The following NALF1 variants were observed in gnomAD, a reference collection of about 807,000 sequenced individuals.
NALF1 encodes NALCN channel auxiliary factor 1, also known as family with sequence similarity 155 member A.
NALF1 carries 3 observed loss-of-function variants against 48.4 expected under a neutral mutation model. The observed-to-expected ratio is 0.06, with a 90% confidence interval of 0.03 to 0.16. The LOEUF (loss-of-function observed/expected upper bound fraction) is 0.16, where lower values mean the gene tolerates loss of function less well. NALF1 is among the 10% of genes least tolerant of loss of function. NALF1 has a pLI of 1.00. For missense variants in NALF1, 526 were observed against 571.5 expected (o/e 0.92, Z 0.81); for synonymous variants, 262 against 245.7 (o/e 1.07, Z -0.62).
intron 1 of NALF1, among the ~76,000 whole-genome samples, chr13:107,706,840 T>G (rs888869077): frequency 6.6e-6 from 1 of 152,070 alleles, no homozygotes; most frequent in African/African-American, 2.4e-5. Context: ...ACTTCATTCA[T>G]AGTTGAATAC....
At chr13:107,631,328 G>A (rs1879828780) in intron 1 of NALF1, among the ~76,000 whole-genome samples, 1 of 152,106 alleles carries the variant, frequency 6.6e-6, no homozygotes, top group South Asian at 2.1e-4. Flanking sequence ...CATGCCTTCC[G>A]ACTGTGTAGG....
intron 1 of NALF1, among the ~76,000 whole-genome samples, chr13:107,376,452 C>G (rs1463250057): frequency 6.6e-6 from 1 of 152,172 alleles, no homozygotes; most frequent in African/African-American, 2.4e-5. Context: ...GACTCCCACC[C>G]TTGGAGCAAG....
At chr13:107,582,853 CCTAAAATGAGT>C (rs1201228362) in intron 1 of NALF1, among the ~76,000 whole-genome samples, 1 of 152,094 alleles carries the variant, frequency 6.6e-6, no homozygotes, top group Non-Finnish European at 1.5e-5. Flanking sequence ...CAATGTGTAG[CCTAAAATGAGT>C]CTACGCGTGC....
chr13:107,646,797 G>C (rs1318050300), intron 1 of NALF1, among the ~76,000 whole-genome samples: 1 of 151,920 alleles, frequency 6.6e-6, no homozygotes, highest in African/African-American at 2.4e-5. Flanking sequence ...AAATTTATGA[G>C]GTTAATTTAT....
At chr13:107,783,511 T>C (rs1202039403) in intron 1 of NALF1, among the ~76,000 whole-genome samples, 2 of 152,212 alleles carry the variant, frequency 1.3e-5, no homozygotes, top group Non-Finnish European at 2.9e-5. Flanking sequence ...CATTTTGTTC[T>C]GTACTAAGAA....
At position 107,164,383 on chromosome 13, in the gene NALF1, AAT is replaced by A. The variant is rs1455945058; in HGVS notation, c.*6112_*6113del. 1 of 152,078 alleles carries A rather than the reference AAT, an allele frequency of 6.6e-6. No individual in the cohort carries two copies. Among genetic ancestry groups the A allele is most frequent in the Admixed American group, 6.6e-5 (1 of 15,266 alleles). 9.4% of individuals were successfully genotyped at this position (152,078 alleles called of 1,614,324 possible). A position where few individuals can be genotyped will look rare whatever the true frequency, so the allele number is the denominator to read the frequency against. The stretch of plus-strand genomic sequence containing the variant: ...CTATAATAATTATAGTGTTAATTAA[AAT>A]ATATATTAATTCAGTTTAATTAATT... On this transcript the variant is annotated 3_prime_UTR_variant, in exon 3 of 3. Coordinates refer to ENST00000375915, the MANE Select transcript of NALF1 (RefSeq NM_001080396.3).
At chr13:107,287,909 C>T (rs1393381818) in intron 1 of NALF1, among the ~76,000 whole-genome samples, 2 of 151,482 alleles carry the variant, frequency 1.3e-5, no homozygotes, top group Non-Finnish European at 2.9e-5. Flanking sequence ...GTTTCATCAT[C>T]TTGGCCAGTC....
intron 1 of NALF1, among the ~76,000 whole-genome samples, chr13:107,734,296 G>A (rs7319801): frequency 0.75 from 114,319 of 151,856 alleles, 44,093 homozygotes; most frequent in Non-Finnish European, 0.85. Context: ...GTATCAGCCG[G>A]TATTAGCCAA....
intron 1 of NALF1, among the ~76,000 whole-genome samples, chr13:107,390,362 A>G (rs749008726): frequency 6.6e-6 from 1 of 152,030 alleles, no homozygotes; most frequent in Admixed American, 6.6e-5. Context: ...AAAAAAAAAA[A>G]GGAAAGATTA....
chr13:107,458,543 G>A (rs781149341), intron 1 of NALF1, among the ~76,000 whole-genome samples: 4 of 152,188 alleles, frequency 2.6e-5, no homozygotes, highest in Non-Finnish European at 5.9e-5. Context: ...GCCAAGGGCA[G>A]CAGGTCCTCA....
rs201973204 is a variant in NALF1, at chr13:107,633,880, G to GTATA, written c.915+231798_915+231801dup. On this transcript the variant is annotated intron_variant, in intron 1 of 2. Coordinates refer to ENST00000375915, the MANE Select transcript of NALF1 (RefSeq NM_001080396.3). ...CATATATGTGTGTGTATGTGTGTGTGTATATATATATATGAAACACATATA... is the reference window on the plus strand; with the variant it reads ...CATATATGTGTGTGTATGTGTGTGTGTATATATATATATATATGAAACACATATA... Among the ~76,000 whole-genome samples, 14 of 142,392 alleles carry GTATA rather than the reference G, an allele frequency of 9.8e-5. No homozygotes were observed. The South Asian group carries it at 1.1e-3, about 11-fold the overall frequency. The allele number at this position is 142,392 out of a possible 152,430, so 93.4% of individuals were successfully genotyped here.
chr13:107,215,095 G>A (rs771733233), intron 1 of NALF1, among the ~76,000 whole-genome samples: 3 of 152,150 alleles, frequency 2.0e-5, no homozygotes, highest in African/African-American at 7.2e-5. Context: ...GAAAGCCTTA[G>A]AGACCACCTA....
At chr13:107,757,754 T>G (rs1436355637) in intron 1 of NALF1, among the ~76,000 whole-genome samples, 6 of 152,176 alleles carry the variant, frequency 3.9e-5, no homozygotes. Flanking sequence ...AGAGTTTTAT[T>G]GGCTAATGAG....
At chr13:107,226,263 G>A (rs1010288459) in intron 1 of NALF1, among the ~76,000 whole-genome samples, 22 of 151,942 alleles carry the variant, frequency 1.4e-4, no homozygotes, top group East Asian at 1.9e-4. Flanking sequence ...AGAAAACCCC[G>A]GCAAAAATAC....
intron 1 of NALF1, among the ~76,000 whole-genome samples, chr13:107,837,824 C>T (rs1879941174): frequency 6.6e-6 from 1 of 151,936 alleles, no homozygotes; most frequent in Non-Finnish European, 1.5e-5. Context: ...TGCAAAAAAG[C>T]CTGAAATACT....
intron 1 of NALF1, among the ~76,000 whole-genome samples, chr13:107,433,677 A>C (rs1884419470): frequency 6.9e-6 from 1 of 145,550 alleles, no homozygotes; most frequent in Admixed American, 6.8e-5. Context: ...GCACAAATTC[A>C]AAAAAAAAAA....
chr13:107,683,335 C>T (rs1881350415), intron 1 of NALF1, among the ~76,000 whole-genome samples: 1 of 152,152 alleles, frequency 6.6e-6, no homozygotes, highest in African/African-American at 2.4e-5. Context: ...TTTCCTACCA[C>T]CTTTAAAAAA....
chr13:107,396,325 G>A (rs1883711305), intron 1 of NALF1, among the ~76,000 whole-genome samples: 1 of 152,138 alleles, frequency 6.6e-6, no homozygotes, highest in African/African-American at 2.4e-5. Flanking sequence ...TAATGGAAGC[G>A]TTCTGTGTTC....
intron 1 of NALF1, among the ~76,000 whole-genome samples, chr13:107,855,357 T>A (rs1276608274): frequency 6.6e-6 from 1 of 152,170 alleles, no homozygotes; most frequent in Non-Finnish European, 1.5e-5. Context: ...CTTAAAACAT[T>A]TTTGTGATTT....
Sources: gnomAD v4.1 joint callset for allele counts (sites outside exome capture counted in the v4.1 genomes callset) on GRCh38, gnomAD v4.1.1 for gene constraint, MANE v1.5 for transcripts, NCBI Gene and HGNC (gene_info 2026-07-23, HGNC 2026-07-21) for gene names.